Variants in PACRGL observed in about 807,000 individuals in gnomAD.
PACRGL encodes the protein parkin coregulated like, also known as PACRG-like protein.
A neutral mutation model predicts 34.5 loss-of-function variants in PACRGL; 38 were observed. That is an observed-to-expected ratio of 1.10 (90% CI 0.85 to 1.44). PACRGL has a LOEUF of 1.44. Ranked by LOEUF, PACRGL falls within the 40% of genes most tolerant of loss-of-function variation. PACRGL has a pLI of 0.00. For missense variants in PACRGL, 305 were observed against 281.4 expected (o/e 1.08, Z -0.60); for synonymous variants, 128 against 100.1 (o/e 1.28, Z -1.66).
downstream of PACRGL, among the ~76,000 whole-genome samples, chr4:20,753,881 A>T (rs1754059419): frequency 6.6e-6 from 1 of 150,434 alleles, no homozygotes; most frequent in South Asian, 2.1e-4. Flanking sequence ...GTTTATTGAC[A>T]GATTATTCTG....
At chr4:20,701,066 G>C (rs1731946984) in intron 1 of PACRGL, among the ~76,000 whole-genome samples, 1 of 152,198 alleles carries the variant, frequency 6.6e-6, no homozygotes, top group South Asian at 2.1e-4. Flanking sequence ...GAATTTGACA[G>C]AGCTTTACAA....
intron 5 of PACRGL, among the ~76,000 whole-genome samples, chr4:20,712,163 G>A (rs1737569940): frequency 6.6e-6 from 1 of 150,552 alleles, no homozygotes; most frequent in Non-Finnish European, 1.5e-5. Context: ...TCCATTTCCT[G>A]CTTTTTCCTT....
At position 20,731,401 on chromosome 4, in the gene PACRGL, C is replaced by T. The variant is rs1266282554; in HGVS notation, c.*4060C>T. ...AACAATTTTTAACTGTGGTTCTGCCCACACATCAAGTCAAATAATTCTAAG... is the reference window on the plus strand; with the variant it reads ...AACAATTTTTAACTGTGGTTCTGCCTACACATCAAGTCAAATAATTCTAAG... On this transcript the variant is annotated 3_prime_UTR_variant, in exon 9 of 9. Coordinates refer to ENST00000503585, the MANE Select transcript of PACRGL (RefSeq NM_001258345.3). 1 of 985,138 alleles carries T rather than the reference C, an allele frequency of 1.0e-6. No individual in the cohort carries two copies. Among genetic ancestry groups the T allele is most frequent in the African/African-American group, 1.7e-5 (1 of 57,224 alleles). The allele number at this position is 985,138 out of a possible 1,614,324, so 61.0% of individuals were successfully genotyped here.
chr4:20,712,639 T>G, intron 5 of PACRGL, 149 bp from the exon 6 acceptor site: 1 of 769,728 alleles, frequency 1.3e-6, no homozygotes, highest in Non-Finnish European at 1.9e-6. Flanking sequence ...CTCAATGTAA[T>G]TGAAATTGTA....
At chr4:20,711,030 A>G (rs1307409575) in intron 5 of PACRGL, among the ~76,000 whole-genome samples, 1 of 152,100 alleles carries the variant, frequency 6.6e-6, no homozygotes, top group Non-Finnish European at 1.5e-5. Context: ...TCTACAAAAA[A>G]GAAAAAAAAG....
chr4:20,766,618 C>T, the PACRGL span, among the ~76,000 whole-genome samples: 2 of 152,084 alleles, frequency 1.3e-5, no homozygotes, highest in Non-Finnish European at 2.9e-5. Context: ...CAATTCAATT[C>T]AATGTCCTCA....
At chr4:20,716,097 T>C in intron 7 of PACRGL, 8 of 1,521,248 alleles carry the variant, frequency 5.3e-6, no homozygotes, top group Non-Finnish European at 7.0e-6. Flanking sequence ...TTAATATAAA[T>C]ATTTACTAGG....
At chr4:20,749,614 G>A (rs749534148) in intron 8 of PACRGL, 26 of 1,320,270 alleles carry the variant, frequency 2.0e-5, no homozygotes, top group Non-Finnish European at 2.4e-5. Context: ...CCCCTAAAAA[G>A]ACTAAACTCT....
chr4:20,756,229 CAGAG>C (rs1754426689), downstream of PACRGL, among the ~76,000 whole-genome samples: 1 of 150,890 alleles, frequency 6.6e-6, no homozygotes, highest in African/African-American at 2.4e-5. Context: ...GCCATAATAA[CAGAG>C]AGAAACAGTT....
chr4:20,767,001 T>C, the PACRGL span: 1 of 152,182 alleles, frequency 6.6e-6, no homozygotes, highest in Admixed American at 6.5e-5. Flanking sequence ...ATACACATAT[T>C]ATGCTATTAT....
intron 7 of PACRGL, among the ~76,000 whole-genome samples, chr4:20,720,157 C>CT (rs919917105): frequency 9.2e-5 from 14 of 151,722 alleles, no homozygotes; most frequent in Non-Finnish European, 1.9e-4. Flanking sequence ...CAACTTCTGC[C>CT]TTTTTTTTGT....
intron 8 of PACRGL, among the ~76,000 whole-genome samples, chr4:20,750,112 A>G (rs1167851439): frequency 6.6e-6 from 1 of 152,214 alleles, no homozygotes; most frequent in African/African-American, 2.4e-5. Context: ...AATACTACCA[A>G]TGAGACAGAG....
At chr4:20,719,783 GT>G (rs1342831601) in intron 7 of PACRGL, among the ~76,000 whole-genome samples, 1 of 151,618 alleles carries the variant, frequency 6.6e-6, no homozygotes, top group Non-Finnish European at 1.5e-5. Context: ...GTGTGATGTG[GT>G]GCTGAGAAGA....
intron 1 of PACRGL, chr4:20,701,922 T>C: frequency 2.2e-6 from 1 of 455,698 alleles, no homozygotes. Context: ...AGCAATTGTT[T>C]TGGAAGGAAA....
chr4:20,708,000 C>A, intron 4 of PACRGL, 130 bp downstream of exon 4: 1 of 727,888 alleles, frequency 1.4e-6, no homozygotes, highest in Non-Finnish European at 2.3e-6. Context: ...ACTTTATTCA[C>A]ACTTTCTTTT....
At chr4:20,709,104 A>C (rs919182805) in intron 4 of PACRGL, among the ~76,000 whole-genome samples, 1 of 152,148 alleles carries the variant, frequency 6.6e-6, no homozygotes. Context: ...GCGCCATTAC[A>C]CTTGAGCCTG....
In PACRGL at chr4:20,713,502, C is replaced by A; in HGVS notation, c.572C>A (p.Pro191His). 1.2e-6 allele frequency: 2 copies of A among 1,613,434 alleles called. No individual in the cohort carries two copies. The highest frequency in any genetic ancestry group is 1.7e-6 in the Non-Finnish European group (2 of 1,179,568). The change falls in exon 7 of 9, where the codon CCT becomes CAT. Residue 191 changes from proline (P) to histidine (H), a missense_variant. Physicochemically the swap from Pro to His is moderately conservative, Grantham distance 77. Transcript: ENST00000503585. ...ALVQLSVVVG[P>H]SLNDHLKHLL... ...GTTCAGCTAAGTGTCGTTGTTGGTC[C>A]TTCTCTAAACGACCATCTGAAGCAT...
chr4:20,716,715 T>G (rs1289603657), intron 7 of PACRGL, among the ~76,000 whole-genome samples: 1 of 152,240 alleles, frequency 6.6e-6, no homozygotes, highest in Non-Finnish European at 1.5e-5. Flanking sequence ...TGCCACATTT[T>G]CTTAATCCAG....
chr4:20,738,091 C>T (rs1473627818), intron 8 of PACRGL, among the ~76,000 whole-genome samples: 1 of 150,938 alleles, frequency 6.6e-6, no homozygotes, highest in Non-Finnish European at 1.5e-5. Flanking sequence ...GATTGCACCA[C>T]TGTGCTTCAG....
Sources: allele counts gnomAD v4.1 joint callset (sites outside exome capture counted in the v4.1 genomes callset), GRCh38; gene constraint gnomAD v4.1.1; transcripts MANE v1.5; gene names NCBI Gene and HGNC (gene_info 2026-07-23, HGNC 2026-07-21).